ARHGAP24: variants seen among roughly 807,000 people sequenced by gnomAD.
The protein encoded by ARHGAP24 is Rho GTPase activating protein 24.
In ARHGAP24, 50 loss-of-function variants were observed where a neutral mutation model predicts 76.4. That is an observed-to-expected ratio of 0.65 (90% CI 0.52 to 0.83). The LOEUF is 0.83. Ranked by LOEUF, ARHGAP24 falls within the 40% of genes least tolerant of loss-of-function variation. ARHGAP24 has a pLI of 0.00. For synonymous variants in ARHGAP24, 345 were observed against 323.3 expected, an observed-to-expected ratio of 1.07 and a Z score of -0.72; for missense variants, 930 against 914.2, an observed-to-expected ratio of 1.02 and a Z score of -0.22.
At chr4:85,769,248 A>G (rs1727039369) in intron 3 of ARHGAP24, among the ~76,000 whole-genome samples, 1 of 152,212 alleles carries the variant, frequency 6.6e-6, no homozygotes, top group Non-Finnish European at 1.5e-5. Flanking sequence ...TGATTCATCC[A>G]TTCATTCAAA....
intron 1 of ARHGAP24, among the ~76,000 whole-genome samples, chr4:85,514,778 G>A (rs1316476436): frequency 8.0e-6 from 1 of 125,706 alleles, no homozygotes; most frequent in African/African-American, 3.1e-5. Context: ...TGGATCATGT[G>A]TTGCCTTAGC....
intron 2 of ARHGAP24, among the ~76,000 whole-genome samples, chr4:85,599,165 G>A (rs1373645604): frequency 6.6e-6 from 1 of 152,074 alleles, no homozygotes; most frequent in Non-Finnish European, 1.5e-5. Flanking sequence ...AGGGAGAGGA[G>A]GGATTAGAAG....
Position 85,994,959 on chromosome 4 carries a change from T to C in ARHGAP24, c.1305T>C (p.Asn435=). The change falls in exon 9 of 10, where the codon AAT becomes AAC. Residue 435 remains asparagine (N), a synonymous_variant. Transcript: ENST00000395184. ...AFNKGSGIVT[N]GSFSSSNAEG... is the part of the protein sequence containing the mutation. Reference sequence around the variant, plus strand: ...ATAAGGGTAGTGGGATAGTTACCAATGGGTCCTTCAGCAGCAGTAATGCAG... The same window carrying C: ...ATAAGGGTAGTGGGATAGTTACCAACGGGTCCTTCAGCAGCAGTAATGCAG... 6.2e-7 allele frequency: 1 copy of C among 1,614,118 alleles called. No individual in the cohort carries two copies. The highest frequency in any genetic ancestry group is 8.5e-7 in the Non-Finnish European group (1 of 1,180,028).
intron 3 of ARHGAP24, among the ~76,000 whole-genome samples, chr4:85,846,481 C>G (rs1274773498): frequency 6.6e-6 from 1 of 152,144 alleles, no homozygotes; most frequent in African/African-American, 2.4e-5. Context: ...TCAAACAGTA[C>G]AGCATAAATA....
At chr4:85,844,818 G>A (rs1354290570) in intron 3 of ARHGAP24, among the ~76,000 whole-genome samples, 1 of 152,138 alleles carries the variant, frequency 6.6e-6, no homozygotes, top group African/African-American at 2.4e-5. Flanking sequence ...TCCAATTATA[G>A]TGTATGGAAA....
chr4:85,992,757 G>A (rs756194600), intron 8 of ARHGAP24, among the ~76,000 whole-genome samples: 27 of 151,904 alleles, frequency 1.8e-4, no homozygotes, highest in Middle Eastern at 3.2e-3. Context: ...TGACAAATTC[G>A]GAGATTCCTA....
intron 3 of ARHGAP24, among the ~76,000 whole-genome samples, chr4:85,841,955 G>A (rs10031413): frequency 0.42 from 63,192 of 151,674 alleles, 13,221 homozygotes; most frequent in South Asian, 0.5. Context: ...GCCCTACTTG[G>A]CCTTTTCCCT....
chr4:85,915,822 G>C (rs1409950803), intron 3 of ARHGAP24, among the ~76,000 whole-genome samples: 2 of 152,096 alleles, frequency 1.3e-5, no homozygotes, highest in African/African-American at 4.8e-5. Flanking sequence ...GTCTATCATT[G>C]ATGGGCATTT....
At chr4:85,883,829 A>G (rs1483829471) in intron 3 of ARHGAP24, among the ~76,000 whole-genome samples, 1 of 152,178 alleles carries the variant, frequency 6.6e-6, no homozygotes, top group Non-Finnish European at 1.5e-5. Context: ...TTATATGATT[A>G]TCAAGCAGAG....
chr4:85,668,142 AG>A (rs1168227365), intron 2 of ARHGAP24, among the ~76,000 whole-genome samples: 2 of 152,246 alleles, frequency 1.3e-5, no homozygotes, highest in Non-Finnish European at 2.9e-5. Flanking sequence ...AGAAGAAGTC[AG>A]AGTATAATGA....
At chr4:85,649,672 C>T (rs1396959896) in intron 2 of ARHGAP24, among the ~76,000 whole-genome samples, 2 of 152,226 alleles carry the variant, frequency 1.3e-5, no homozygotes, top group African/African-American at 4.8e-5. Context: ...TGTCTTCTAA[C>T]TGTGAAACTA....
intron 1 of ARHGAP24, among the ~76,000 whole-genome samples, chr4:85,563,823 G>T (rs944424492): frequency 1.3e-5 from 2 of 152,170 alleles, no homozygotes; most frequent in African/African-American, 4.8e-5. Context: ...AATGTAGAGA[G>T]CTGAACACAT....
At chr4:85,617,092 T>C (rs1053041244) in intron 2 of ARHGAP24, among the ~76,000 whole-genome samples, 41 of 147,022 alleles carry the variant, frequency 2.8e-4, no homozygotes, top group African/African-American at 9.6e-4. Flanking sequence ...GTATTATATA[T>C]ATTTATAAAT....
chr4:85,805,724 C>T (rs1728759398), intron 3 of ARHGAP24, among the ~76,000 whole-genome samples: 1 of 152,158 alleles, frequency 6.6e-6, no homozygotes, highest in South Asian at 2.1e-4. Flanking sequence ...TTTGGCCTTT[C>T]GTTGATGCCC....
chr4:85,680,258 A>T (rs1257259710), intron 2 of ARHGAP24, among the ~76,000 whole-genome samples: 1 of 152,224 alleles, frequency 6.6e-6, no homozygotes, highest in Non-Finnish European at 1.5e-5. Context: ...ATATCCTTGA[A>T]CAACTCTCAT....
chr4:85,931,182 C>T lies in ARHGAP24; in HGVS notation c.391+7412C>T. 3.6e-6 allele frequency: 3 copies of T among 838,052 alleles called. No individual in the cohort carries two copies. The South Asian group carries it at 6.7e-5, about 19-fold the overall frequency. The allele number at this position is 838,052 out of a possible 1,614,324, so 51.9% of individuals were successfully genotyped here. A position where few individuals can be genotyped will look rare whatever the true frequency, so the allele number is the denominator to read the frequency against. On this transcript the variant is annotated intron_variant, in intron 4 of 9. Coordinates refer to ENST00000395184, the MANE Select transcript of ARHGAP24 (RefSeq NM_001025616.3). The stretch of plus-strand genomic sequence containing the variant: ...TGTACAAGAGTGATTTGTGCGTATC[C>T]TTGCTTGTCTATACTTATTTTCTGA...
intron 3 of ARHGAP24, among the ~76,000 whole-genome samples, chr4:85,723,112 TC>T (rs1275964470): frequency 6.6e-6 from 1 of 152,108 alleles, no homozygotes; most frequent in Non-Finnish European, 1.5e-5. Flanking sequence ...TATTCTTACT[TC>T]TTAGTGGAAT....
Position 85,802,722 on chromosome 4 carries a change from C to T in ARHGAP24, c.268+80750C>T, listed in dbSNP as rs556987888. Among the ~76,000 whole-genome samples, 6 of 152,250 alleles carry T rather than the reference C, an allele frequency of 3.9e-5. No individual in the cohort carries two copies. The South Asian group carries it at 8.3e-4, about 21-fold the overall frequency. ...AGGAGAATCGCTTGAACCCAGGAGGCGGAGGTTGTGGTGAGCTGAGACCGC... is the reference window on the plus strand; with the variant it reads ...AGGAGAATCGCTTGAACCCAGGAGGTGGAGGTTGTGGTGAGCTGAGACCGC... On this transcript the variant is annotated intron_variant, in intron 3 of 9. Coordinates refer to ENST00000395184, the MANE Select transcript of ARHGAP24 (RefSeq NM_001025616.3).
chr4:85,903,206 G>A (rs1734597181), intron 3 of ARHGAP24, among the ~76,000 whole-genome samples: 1 of 152,126 alleles, frequency 6.6e-6, no homozygotes, highest in Non-Finnish European at 1.5e-5. Context: ...CAAGGTCAAA[G>A]AATTTTTCTA....
Sources: gnomAD v4.1 joint callset for allele counts (sites outside exome capture counted in the v4.1 genomes callset) on GRCh38, gnomAD v4.1.1 for gene constraint, MANE v1.5 for transcripts, NCBI Gene and HGNC (gene_info 2026-07-23, HGNC 2026-07-21) for gene names.